The following NRXN1 variants were observed in gnomAD, a reference collection of about 807,000 sequenced individuals.
The protein encoded by NRXN1 is neurexin 1.
NRXN1 carries 39 observed loss-of-function variants against 150.9 expected under a neutral mutation model. The ratio of observed to expected loss-of-function variants is 0.26; its 90% CI spans 0.20 to 0.34. NRXN1 has a LOEUF of 0.34. Among genes scored for constraint, NRXN1 ranks in the 10% least tolerant of loss-of-function variants. NRXN1 has a pLI of 1.00. For missense variants in NRXN1, 1,815 were observed against 1,949.9 expected (o/e 0.93, Z 1.30); for synonymous variants, 924 against 757.0 (o/e 1.22, Z -3.62).
intron 5 of NRXN1, among the ~76,000 whole-genome samples, chr2:50,732,744 G>C (rs991181556): frequency 8.6e-5 from 13 of 152,040 alleles, no homozygotes; most frequent in African/African-American, 2.7e-4. Flanking sequence ...TTTGTTCCTT[G>C]TTGTCCACCA....
At position 50,308,447 on chromosome 2, in the gene NRXN1, C is replaced by T. The variant is rs1022637022; in HGVS notation, c.3365-71477G>A. On this transcript the variant is annotated intron_variant, in intron 17 of 22. Coordinates refer to ENST00000401669, the MANE Select transcript of NRXN1 (RefSeq NM_001330078.2). ...GGCTCAGGCAGTCTTCCTGCCTCAG[C>T]CTCCCAAGCAACTAGGACTACAGGC... Among the ~76,000 whole-genome samples, 6 of 152,154 alleles carry T rather than the reference C, an allele frequency of 3.9e-5. No individual in the cohort carries two copies. In the South Asian group the frequency reaches 1.0e-3, roughly 26 times the overall value.
At chr2:50,486,125 T>C (rs1234776605) in intron 15 of NRXN1, among the ~76,000 whole-genome samples, 2 of 152,272 alleles carry the variant, frequency 1.3e-5, no homozygotes, top group East Asian at 3.9e-4. Context: ...AAGTGATCGG[T>C]TGCGGTAAAA....
At chr2:50,561,877 G>A (rs2105398119) in intron 8 of NRXN1, among the ~76,000 whole-genome samples, 1 of 152,288 alleles carries the variant, frequency 6.6e-6, no homozygotes, top group Non-Finnish European at 1.5e-5. Context: ...AGGAAGTGAT[G>A]AAGATACTTT....
intron 17 of NRXN1, among the ~76,000 whole-genome samples, chr2:50,360,584 C>T (rs554820078): frequency 7.0e-4 from 107 of 152,116 alleles, no homozygotes; most frequent in African/African-American, 2.4e-3. Flanking sequence ...ATATATGCAC[C>T]CAATACAAGA....
chr2:50,647,120 ACTGTAT>A (rs951097383), intron 5 of NRXN1, among the ~76,000 whole-genome samples: 21 of 151,900 alleles, frequency 1.4e-4, no homozygotes, highest in Admixed American at 1.3e-3. Context: ...CGCTGAACAA[ACTGTAT>A]CTCTCAAACA....
chr2:50,427,965 G>A (rs547974350), intron 17 of NRXN1, among the ~76,000 whole-genome samples: 138 of 152,152 alleles, frequency 9.1e-4, no homozygotes, highest in Middle Eastern at 3.4e-3. Flanking sequence ...TTTTGTTGGC[G>A]AACAGAAGAA....
intron 10 of NRXN1, among the ~76,000 whole-genome samples, chr2:50,534,353 C>A (rs1213666619): frequency 1.3e-5 from 2 of 152,026 alleles, no homozygotes; most frequent in Non-Finnish European, 2.9e-5. Context: ...TTAGGCAATG[C>A]CCTAAGCACT....
Position 50,031,823 on chromosome 2 carries a change from A to G in NRXN1, c.4128+21448T>C, listed in dbSNP as rs1689219623. 2.6e-5 allele frequency among the ~76,000 whole-genome samples: 4 copies of G among 151,998 alleles called. No homozygotes were observed. In the South Asian group the frequency reaches 8.3e-4, roughly 31 times the overall value. ...TTTAGTAAGAAGTATTGGAAGATAAATCTAGTTCTCAGCCCTTAATTCGCC... is the reference window on the plus strand; with the variant it reads ...TTTAGTAAGAAGTATTGGAAGATAAGTCTAGTTCTCAGCCCTTAATTCGCC... On this transcript the variant is annotated intron_variant, in intron 21 of 22. Transcript: ENST00000401669.
At chr2:50,195,408 C>G (rs150866740) in intron 18 of NRXN1, among the ~76,000 whole-genome samples, 205 of 152,242 alleles carry the variant, frequency 1.3e-3, no homozygotes, top group African/African-American at 4.7e-3. Flanking sequence ...AGTAGTAATT[C>G]TGCATTTTGT....
intron 5 of NRXN1, among the ~76,000 whole-genome samples, chr2:50,809,899 C>T (rs1413849264): frequency 6.6e-6 from 1 of 152,162 alleles, no homozygotes; most frequent in Non-Finnish European, 1.5e-5. Context: ...TGAAAACAGG[C>T]ATACCTGTCA....
chr2:50,847,038 T>C (rs181930883), intron 5 of NRXN1, among the ~76,000 whole-genome samples: 12 of 152,208 alleles, frequency 7.9e-5, no homozygotes, highest in East Asian at 3.9e-4. Flanking sequence ...ATCAGATTCT[T>C]CTCTGTAACC....
At chr2:50,975,683 G>A (rs534810005) in intron 2 of NRXN1, among the ~76,000 whole-genome samples, 8 of 152,108 alleles carry the variant, frequency 5.3e-5, no homozygotes, top group Admixed American at 1.3e-4. Context: ...CTTGCCCTGC[G>A]TCCTTTCTTT....
chr2:50,922,480 A>G, intron 4 of NRXN1, 178 bp downstream of exon 4: 1 of 724,816 alleles, frequency 1.4e-6, no homozygotes, highest in Non-Finnish European at 2.4e-6. Context: ...ACAAACCAAA[A>G]TCAAACGAAC....
At chr2:50,618,920 G>T (rs540104714) in intron 8 of NRXN1, among the ~76,000 whole-genome samples, 1 of 152,004 alleles carries the variant, frequency 6.6e-6, no homozygotes, top group South Asian at 2.1e-4. Context: ...GGTAGGTTTG[G>T]CCTTTCAGAA....
chr2:50,445,459 C>T (rs2086320380), intron 17 of NRXN1, among the ~76,000 whole-genome samples: 1 of 152,088 alleles, frequency 6.6e-6, no homozygotes, highest in African/African-American at 2.4e-5. Flanking sequence ...GAGGCTGTGT[C>T]CAATCTCAAA....
intron 15 of NRXN1, among the ~76,000 whole-genome samples, chr2:50,485,266 G>A (rs191065617): frequency 6.3e-4 from 96 of 152,266 alleles, no homozygotes; most frequent in Admixed American, 1.2e-3. Flanking sequence ...ATTTATCAAG[G>A]AACAGGTGAA....
rs148517834 is a variant in NRXN1, at chr2:50,346,800, C to T, written c.3365-109830G>A. 1.2e-4 allele frequency: 190 copies of T among 1,613,480 alleles called. 1 individual carries two copies. In the African/African-American group the frequency reaches 2.2e-3, roughly 19 times the overall value. The stretch of plus-strand genomic sequence containing the variant: ...TGTGGTGCGCTCCCAAACTGGATGC[C>T]CCCCACGCCACTCCTAGGAGGCCGC... On this transcript the variant is annotated intron_variant, in intron 17 of 22. Coordinates refer to ENST00000401669, the MANE Select transcript of NRXN1 (RefSeq NM_001330078.2). This position sits in a 1 kb window ranked among gnomAD's most constrained non-coding sequence, Gnocchi z 5.0.
At position 50,347,719 on chromosome 2, in the gene NRXN1, G is replaced by T; in HGVS notation, c.3365-110749C>A. ...AAGAAGATGCAGACGAAGGAGTAAG[G>T]GAGAGAAACAGAAAAAGAAAAAGAA... is the stretch of plus-strand genomic sequence containing the variant. On this transcript the variant is annotated intron_variant, in intron 17 of 22. Transcript: ENST00000401669. The surrounding 1 kb of genome is among the most constrained non-coding windows in gnomAD (Gnocchi z 4.9). The T allele has an allele frequency of 4.1e-6, 4 of 986,892 alleles. No homozygotes were observed. The highest frequency in any genetic ancestry group is 4.8e-6 in the Non-Finnish European group (4 of 831,094). 61.1% of individuals were successfully genotyped at this position (986,892 alleles called of 1,614,324 possible). A position where few individuals can be genotyped will look rare whatever the true frequency, so the allele number is the denominator to read the frequency against.
chr2:50,067,567 A>G (rs1695553354), intron 19 of NRXN1, among the ~76,000 whole-genome samples: 1 of 152,206 alleles, frequency 6.6e-6, no homozygotes, highest in South Asian at 2.1e-4. Context: ...GTAACAAAAT[A>G]CAGAACTTAC....
Sources: gnomAD v4.1 joint callset for allele counts (sites outside exome capture counted in the v4.1 genomes callset) on GRCh38, gnomAD v4.1.1 for gene constraint, Gnocchi (gnomAD v3.1) non-coding constraint, MANE v1.5 for transcripts, NCBI Gene and HGNC (gene_info 2026-07-23, HGNC 2026-07-21) for gene names.